The following SV2C variants were observed in gnomAD, a reference collection of about 807,000 sequenced individuals.
SV2C encodes synaptic vesicle glycoprotein 2C, also known as solute carrier family 22 member B3.
A neutral mutation model predicts 79.7 loss-of-function variants in SV2C; 49 were observed. That is an observed-to-expected ratio of 0.61 (90% CI 0.49 to 0.78). The LOEUF (loss-of-function observed/expected upper bound fraction) is 0.78. Ranked by LOEUF, SV2C falls within the 30% of genes least tolerant of loss-of-function variation. The pLI is 0.00. For missense variants in SV2C, 833 were observed against 912.9 expected (o/e 0.91, Z 1.13); for synonymous variants, 334 against 333.2 (o/e 1.00, Z -0.03).
intron 1 of SV2C, among the ~76,000 whole-genome samples, chr5:76,091,168 T>C (rs2112097154): frequency 6.6e-6 from 1 of 152,310 alleles, no homozygotes; most frequent in Non-Finnish European, 1.5e-5. Context: ...CTAGCTGCAT[T>C]GAACACAAAA....
At chr5:75,865,844 TGG>T in the SV2C span, among the ~76,000 whole-genome samples, 1 of 152,162 alleles carries the variant, frequency 6.6e-6, no homozygotes, top group Non-Finnish European at 1.5e-5. Flanking sequence ...ACAAATAACT[TGG>T]GTTAGCCAAC....
intron 4 of SV2C, among the ~76,000 whole-genome samples, chr5:76,259,928 G>A (rs2112455090): frequency 6.6e-6 from 1 of 152,304 alleles, no homozygotes; most frequent in Admixed American, 6.5e-5. Context: ...TGTCTTTATA[G>A]TTGAATGATG....
At chr5:75,938,858 T>C in the SV2C span, among the ~76,000 whole-genome samples, 35,960 of 152,174 alleles carry the variant, frequency 0.24, 4,805 homozygotes, top group African/African-American at 0.36. Flanking sequence ...CTTCACTCTT[T>C]TAATATAAAT....
At chr5:76,022,595 G>A in the SV2C span, among the ~76,000 whole-genome samples, 240 of 152,222 alleles carry the variant, frequency 1.6e-3, 1 homozygote, top group African/African-American at 5.5e-3. Context: ...CTTCTGTACC[G>A]GATGCGGTAA....
chr5:75,920,921 T>G, the SV2C span: 1 of 736,414 alleles, frequency 1.4e-6, no homozygotes, highest in Non-Finnish European at 2.5e-6. Flanking sequence ...CCTGGTCTCG[T>G]GGATCCTGGC....
At chr5:75,916,274 A>ACCTTCCTCCTCCTCCTCC in the SV2C span, among the ~76,000 whole-genome samples, 1 of 88,614 alleles carries the variant, frequency 1.1e-5, no homozygotes, top group Non-Finnish European at 2.2e-5. Context: ...CTTCTTCCTC[A>ACCTTCCTCCTCCTCCTCC]CCTTCCTCCT....
At chr5:75,874,162 A>T in the SV2C span, among the ~76,000 whole-genome samples, 1 of 152,162 alleles carries the variant, frequency 6.6e-6, no homozygotes, top group Non-Finnish European at 1.5e-5. Flanking sequence ...TTAACAAAAT[A>T]CTTGCAAACT....
At chr5:76,312,166 T>C (rs1346700232) in intron 12 of SV2C, among the ~76,000 whole-genome samples, 1 of 151,330 alleles carries the variant, frequency 6.6e-6, no homozygotes, top group Non-Finnish European at 1.5e-5. Context: ...TTTCTCTGCG[T>C]CCAGGTGTTA....
chr5:76,204,632 C>G (rs1744554853), intron 3 of SV2C, among the ~76,000 whole-genome samples: 1 of 152,154 alleles, frequency 6.6e-6, no homozygotes, highest in African/African-American at 2.4e-5. Context: ...AGTAGAATCC[C>G]TTCTCAAGAC....
At chr5:75,849,661 AACT>A in the SV2C span, among the ~76,000 whole-genome samples, 230 of 152,354 alleles carry the variant, frequency 1.5e-3, no homozygotes, top group Non-Finnish European at 2.9e-3. Context: ...AATAGAATTT[AACT>A]ACATCACAAG....
At chr5:76,287,768 C>A (rs187740721) in intron 6 of SV2C, among the ~76,000 whole-genome samples, 3 of 152,296 alleles carry the variant, frequency 2.0e-5, no homozygotes, top group East Asian at 1.9e-4. Flanking sequence ...TGTTTAAAAT[C>A]TTTCAATATA....
chr5:76,243,190 A>G (rs1282055703), intron 4 of SV2C, among the ~76,000 whole-genome samples: 1 of 152,214 alleles, frequency 6.6e-6, no homozygotes, highest in Non-Finnish European at 1.5e-5. Context: ...GTGCACACAC[A>G]GAGCTATAAT....
At chr5:75,859,967 A>C in the SV2C span, among the ~76,000 whole-genome samples, 7 of 152,308 alleles carry the variant, frequency 4.6e-5, no homozygotes, top group Middle Eastern at 3.4e-3. Context: ...GTGGAGCCGA[A>C]GAGCTCTGGG....
In SV2C at chr5:76,094,094, GTAAA is replaced by G. The variant is rs1201807180; in HGVS notation, c.-102+10599_-102+10602del. 3.9e-5 allele frequency among the ~76,000 whole-genome samples: 6 copies of G among 152,116 alleles called. No homozygotes were observed. In the East Asian group the frequency reaches 5.8e-4, roughly 15 times the overall value. ...ACTCTGTAAATAAAGAAACAAACAA[GTAAA>G]TAAATAAATAAATAAAATGTCTTTG... On this transcript the variant is annotated intron_variant, in intron 1 of 12. Coordinates refer to ENST00000502798, the MANE Select transcript of SV2C (RefSeq NM_014979.4).
the SV2C span, among the ~76,000 whole-genome samples, chr5:75,970,595 A>G: frequency 6.6e-6 from 1 of 152,182 alleles, no homozygotes; most frequent in East Asian, 1.9e-4. Context: ...AAATTCCTCG[A>G]CACATACACT....
the SV2C span, among the ~76,000 whole-genome samples, chr5:75,903,372 T>A: frequency 6.6e-6 from 1 of 151,118 alleles, no homozygotes; most frequent in East Asian, 1.9e-4. Context: ...AAGGTGTTTT[T>A]TTTTTTAAAA....
Position 76,186,796 on chromosome 5 carries a change from G to GA in SV2C, c.581-8123_581-8122insA, listed in dbSNP as rs1561255258. On this transcript the variant is annotated intron_variant, in intron 2 of 12. Coordinates refer to ENST00000502798, the MANE Select transcript of SV2C (RefSeq NM_014979.4). ...GAAGGCACCTCTTCACAGGACAGCA[G>GA]GAGAATGAGCACTGACCAAAGCGGG... 4.3e-4 allele frequency among the ~76,000 whole-genome samples: 66 copies of GA among 151,838 alleles called. No homozygotes were observed. The East Asian group carries it at 0.011, about 26-fold the overall frequency.
chr5:75,898,194 T>C, the SV2C span, among the ~76,000 whole-genome samples: 1 of 152,206 alleles, frequency 6.6e-6, no homozygotes, highest in Non-Finnish European at 1.5e-5. Flanking sequence ...AGTAAGATAT[T>C]GGCTGTGGGT....
the SV2C span, among the ~76,000 whole-genome samples, chr5:75,900,412 A>G: frequency 6.6e-6 from 1 of 152,188 alleles, no homozygotes; most frequent in African/African-American, 2.4e-5. Flanking sequence ...TCTGGCTTGT[A>G]GAGTTTCTGC....
Sources: gnomAD v4.1 joint callset for allele counts (sites outside exome capture counted in the v4.1 genomes callset) on GRCh38, gnomAD v4.1.1 for gene constraint, MANE v1.5 for transcripts, NCBI Gene and HGNC (gene_info 2026-07-23, HGNC 2026-07-21) for gene names.